RPAP1: variants seen among roughly 807,000 people sequenced by gnomAD.
RPAP1 encodes RNA polymerase II associated protein 1.
A neutral mutation model predicts 142.4 loss-of-function variants in RPAP1; 109 were observed. That is an observed-to-expected ratio of 0.77 (90% confidence interval 0.66 to 0.90). RPAP1 has a LOEUF of 0.90. Ranked by LOEUF, RPAP1 falls within the 40% of genes least tolerant of loss-of-function variation. The pLI, the probability that RPAP1 is intolerant of heterozygous loss-of-function variation, is 0.00. For missense variants in RPAP1, 1,546 were observed against 1,751.7 expected (o/e 0.88, Z 2.10); for synonymous variants, 704 against 738.9 (o/e 0.95, Z 0.77).
intron 1 of RPAP1, among the ~76,000 whole-genome samples, chr15:41,538,424 T>C (rs2051936018): frequency 6.6e-6 from 1 of 151,988 alleles, no homozygotes; most frequent in South Asian, 2.1e-4. Context: ...AAACAGAATC[T>C]CAAGTTAGGC....
intron 14 of RPAP1, among the ~76,000 whole-genome samples, chr15:41,525,619 G>T (rs2051783559): frequency 6.6e-6 from 1 of 151,452 alleles, no homozygotes; most frequent in Non-Finnish European, 1.5e-5. Context: ...TTACAGGTGT[G>T]AGCCACCGCA....
chr15:41,534,736 C>T lies in RPAP1; in HGVS notation c.741G>A (p.Gln247=), dbSNP rs768436296. 15 of 1,613,894 alleles carry T rather than the reference C, an allele frequency of 9.3e-6. No individual in the cohort carries two copies. The African/African-American group carries it at 2.0e-4, about 22-fold the overall frequency. The change falls in exon 6 of 25, where the codon CAG becomes CAA. Residue 247 remains glutamine, a synonymous_variant. Transcript: ENST00000304330. The stretch of plus-strand genomic sequence containing the variant: ...TACCAAGCTGGGCCAGCAACCGCTG[C>T]TGTTCCTGCAGGATCTCCTCAGGAG... ...AMAPEEILQE[Q]QRLLAQLDPS...
intron 1 of RPAP1, among the ~76,000 whole-genome samples, chr15:41,538,529 C>CATA (rs58456784): frequency 5.9e-5 from 9 of 152,152 alleles, no homozygotes; most frequent in South Asian, 4.1e-4. Flanking sequence ...AAAGAAAAAA[C>CATA]AAAAAAAATC....
chr15:41,517,448 A>T lies in RPAP1; in HGVS notation c.*94T>A. On this transcript the variant is annotated 3_prime_UTR_variant, in exon 25 of 25. Coordinates refer to ENST00000304330, the MANE Select transcript of RPAP1 (RefSeq NM_015540.4). ...CCTTCTGCTCCTTGGTCTCCTGCCT[A>T]CCATTAGGACACAATGTTCTTCGTC... 8.2e-7 allele frequency: 1 copy of T among 1,219,590 alleles called. No homozygotes were observed. Among genetic ancestry groups the T allele is most frequent in the Non-Finnish European group, 1.1e-6 (1 of 879,764 alleles). The allele number at this position is 1,219,590 out of a possible 1,614,324, so 75.5% of individuals were successfully genotyped here.
chr15:41,529,380 C>A (rs942146316), intron 9 of RPAP1, 90 bp downstream of exon 9: 10 of 817,596 alleles, frequency 1.2e-5, no homozygotes, highest in African/African-American at 1.0e-4. Flanking sequence ...TAGAACAGGG[C>A]ACACAGAAGG....
chr15:41,524,339 G>A, intron 15 of RPAP1, 85 bp from the exon 16 acceptor site: 1 of 1,234,834 alleles, frequency 8.1e-7, no homozygotes, highest in Non-Finnish European at 1.1e-6. Flanking sequence ...CCAGGGATCT[G>A]CAGTTTGATA....
rs185556716 is a variant in RPAP1 at position 41,531,238 on chromosome 15, T to G, written c.764-36A>C. Reference sequence around the variant, plus strand: ...AGGTAGAGGGGAGAGTGAGTGAGGGTAGATCCTCCCTGGCCTCCTACAGAC... The same window carrying G: ...AGGTAGAGGGGAGAGTGAGTGAGGGGAGATCCTCCCTGGCCTCCTACAGAC... On this transcript the variant is annotated intron_variant, in intron 6 of 24. Transcript: ENST00000304330. The G allele has an allele frequency of 3.7e-3, 5,798 of 1,580,020 alleles. 23 individuals carry two copies. The highest frequency in any genetic ancestry group is 3.6e-3 in the East Asian group (159 of 44,194).
chr15:41,529,078 T>G (rs192449566), intron 9 of RPAP1, among the ~76,000 whole-genome samples: 9 of 152,316 alleles, frequency 5.9e-5, no homozygotes, highest in African/African-American at 1.9e-4. Context: ...ATGCCACGCC[T>G]GTAATCCCAG....
Position 41,520,471 on chromosome 15 carries a change from G to A in RPAP1, c.3715C>T (p.Arg1239Trp), listed in dbSNP as rs752325160. 23 of 1,614,002 alleles carry A rather than the reference G, an allele frequency of 1.4e-5. No individual in the cohort carries two copies. The highest frequency in any genetic ancestry group is 1.4e-5 in the Non-Finnish European group (17 of 1,180,002). ...GCAAGGCGCAAGGTGACACTGAACC[G>A]ACGCTGCAGGGGCAGGAGGACCAGG... ...GALVLLPLQR[R>W]FSVTLRLALF... Residue 1239 changes from arginine to tryptophan, a missense_variant, in exon 22 of 25, where the codon CGG becomes TGG. Around this residue, in one of 3 missense-constraint regions of RPAP1, gnomAD observed 210 missense variants for 248.0 expected, o/e 0.85. Transcript: ENST00000304330.
Position 41,529,868 on chromosome 15 carries a change from T to C in RPAP1, c.1055A>G (p.Gln352Arg), listed in dbSNP as rs1301934774. 12 of 1,604,346 alleles carry C rather than the reference T, an allele frequency of 7.5e-6. No homozygotes were observed. Among genetic ancestry groups the C allele is most frequent in the Non-Finnish European group, 1.0e-5 (12 of 1,175,174 alleles). Residue 352 changes from glutamine to arginine, a missense_variant, in exon 8 of 25, where the codon CAG becomes CGG. Around this residue, in one of 3 missense-constraint regions of RPAP1, gnomAD observed 1,333 missense variants for 1,486.6 expected, o/e 0.90. Transcript: ENST00000304330. ...DLPPVRRQQT[Q>R]ERMQARFSLQ... is the part of the protein sequence containing the mutation. ...AGGCCAGGTGGCCCTCCTCACCTCC[T>C]GTGTCTGCTGCCGCCGGACAGGGGG...
chr15:41,543,582 G>A (rs2051991965), intron 1 of RPAP1, among the ~76,000 whole-genome samples: 1 of 152,232 alleles, frequency 6.6e-6, no homozygotes, highest in Non-Finnish European at 1.5e-5. Context: ...AATAGGAAAT[G>A]TGTGAGGATT....
At position 41,529,859 on chromosome 15, in the gene RPAP1, C is replaced by G. The variant is rs1359273122; in HGVS notation, c.1059+5G>C. 6.3e-7 allele frequency: 1 copy of G among 1,596,774 alleles called. No homozygotes were observed. The highest frequency in any genetic ancestry group is 1.1e-5 in the South Asian group (1 of 87,452). ...ACCCCTTGTAGGCCAGGTGGCCCTC[C>G]TCACCTCCTGTGTCTGCTGCCGCCG... On this transcript the variant is annotated splice_donor_5th_base_variant and intron_variant, in intron 8 of 24. Transcript: ENST00000304330.
At chr15:41,528,531 C>T (rs2051818270) in intron 9 of RPAP1, among the ~76,000 whole-genome samples, 195 bp from the exon 10 acceptor site, 2 of 152,274 alleles carry the variant, frequency 1.3e-5, no homozygotes, top group Admixed American at 1.3e-4. Flanking sequence ...AACGTGATAA[C>T]TGATGTTTAA....
At position 41,534,829 on chromosome 15, in the gene RPAP1, C is replaced by A. The variant is rs767260412; in HGVS notation, c.648G>T (p.Arg216Ser). ...GPNLVTGKGL[R>S]DQEAEQEAQT... is the part of the protein sequence containing the mutation. ...GGGCTTCCTGCTCAGCTTCTTGATC[C>A]CTGAGCCCCTTCCCTGTGACCAGAT... Residue 216 changes from arginine to serine, a missense_variant, in exon 6 of 25, where the codon AGG becomes AGT. Physicochemically the swap from Arg to Ser is moderately radical, Grantham distance 110. Coordinates refer to ENST00000304330, the MANE Select transcript of RPAP1 (RefSeq NM_015540.4). The A allele has an allele frequency of 6.4e-5, 104 of 1,614,138 alleles. 1 individual carries two copies. In the South Asian group the frequency reaches 9.6e-4, roughly 15 times the overall value.
In RPAP1 at chr15:41,523,910, C is replaced by G. The variant is rs751277401; in HGVS notation, c.2297G>C (p.Gly766Ala). ...ACACGGCTCAACAAGAGGCTGGAGCCCAGACACCTGTGTCCAAGTGACTAA... is the reference window on the plus strand; with the variant it reads ...ACACGGCTCAACAAGAGGCTGGAGCGCAGACACCTGTGTCCAAGTGACTAA... ...PSLVTWTQVSGLQPLVEPCLR... is the reference protein window; with the variant it reads ...PSLVTWTQVSALQPLVEPCLR... Residue 766 changes from glycine to alanine, a missense_variant, in exon 17 of 25, where the codon GGG becomes GCG. By Grantham distance (60) the Gly-to-Ala change is moderately conservative (BLOSUM62 0). Transcript: ENST00000304330. 14 of 1,608,456 alleles carry G rather than the reference C, an allele frequency of 8.7e-6. No homozygotes were observed. Among genetic ancestry groups the G allele is most frequent in the East Asian group, 2.2e-5 (1 of 44,660 alleles).
Position 41,524,082 on chromosome 15 carries a change from T to G in RPAP1, c.2234+14A>C, listed in dbSNP as rs764571621. 2 of 1,591,036 alleles carry G rather than the reference T, an allele frequency of 1.3e-6. No homozygotes were observed. Among genetic ancestry groups the G allele is most frequent in the Non-Finnish European group, 8.6e-7 (1 of 1,165,426 alleles). ...AGCCCTCCACCTGTCCTGTGGGTCCTGGCTATAAACTACCTGATGGTTTCA... is the reference window on the plus strand; with the variant it reads ...AGCCCTCCACCTGTCCTGTGGGTCCGGGCTATAAACTACCTGATGGTTTCA... On this transcript the variant is annotated intron_variant, in intron 16 of 24. Coordinates refer to ENST00000304330, the MANE Select transcript of RPAP1 (RefSeq NM_015540.4).
In RPAP1 at chr15:41,527,042, C is replaced by T. The variant is rs1289407745; in HGVS notation, c.1773G>A (p.Glu591=). 1 of 1,614,198 alleles carries T rather than the reference C, an allele frequency of 6.2e-7. No homozygotes were observed. Among genetic ancestry groups the T allele is most frequent in the South Asian group, 1.1e-5 (1 of 91,074 alleles). The change falls in exon 14 of 25, where the codon GAG becomes GAA. Residue 591 remains glutamate (E), a synonymous_variant. Coordinates refer to ENST00000304330, the MANE Select transcript of RPAP1 (RefSeq NM_015540.4). ...TGGGCAAGAACTCTCGAACTATAGTCTCTATCAGCCGAGGGCACTCCAGGA... is the reference window on the plus strand; with the variant it reads ...TGGGCAAGAACTCTCGAACTATAGTTTCTATCAGCCGAGGGCACTCCAGGA... ...TRVLECPRLI[E]TIVREFLPTS...
chr15:41,518,657 C>A (rs1418464198), intron 22 of RPAP1, among the ~76,000 whole-genome samples: 1 of 145,370 alleles, frequency 6.9e-6, no homozygotes, highest in Non-Finnish European at 1.5e-5. Flanking sequence ...CCAGCCTGGG[C>A]AACAGAGCAA....
chr15:41,517,617 C>A lies in RPAP1; in HGVS notation c.4107G>T (p.Gln1369His), dbSNP rs773478548. 1 of 1,611,680 alleles carries A rather than the reference C, an allele frequency of 6.2e-7. No individual in the cohort carries two copies. Among genetic ancestry groups the A allele is most frequent in the East Asian group, 2.2e-5 (1 of 44,826 alleles). Residue 1369 changes from glutamine to histidine, a missense_variant, in exon 25 of 25, where the codon CAG becomes CAT. By Grantham distance (24) the Gln-to-His change is conservative. Coordinates refer to ENST00000304330, the MANE Select transcript of RPAP1 (RefSeq NM_015540.4). ...GGTAGTGCTGACGCAGAGGGGGCAA[C>A]TGAGAATAGAGCTCAAAGCCCTCTG... Reference protein sequence around the residue: ...TLPEGFELYSQLPPLRQHYLQ... With the variant: ...TLPEGFELYSHLPPLRQHYLQ...
Sources: allele counts gnomAD v4.1 joint callset (sites outside exome capture counted in the v4.1 genomes callset), GRCh38; gene constraint gnomAD v4.1.1; regional missense constraint gnomAD v4.1.1; transcripts MANE v1.5; gene names NCBI Gene and HGNC (gene_info 2026-07-23, HGNC 2026-07-21).